The following USH2A variants were observed in gnomAD, a reference collection of about 807,000 sequenced individuals.
USH2A encodes Usher syndrome 2A (autosomal recessive, mild).
A neutral mutation model predicts 538.9 loss-of-function variants in USH2A; 443 were observed. The observed-to-expected ratio is 0.82, with a 90% CI of 0.76 to 0.89. The LOEUF (loss-of-function observed/expected upper bound fraction) is 0.89. Ranked by LOEUF, USH2A falls within the 40% of genes least tolerant of loss-of-function variation. USH2A has a pLI of 0.00. For missense variants in USH2A, 6,633 were observed against 6,324.8 expected (o/e 1.05, Z -1.65); for synonymous variants, 2,413 against 2,273.5 (o/e 1.06, Z -1.75).
At chr1:215,983,593 A>G (rs774827745) in intron 35 of USH2A, among the ~76,000 whole-genome samples, 5 of 152,072 alleles carry the variant, frequency 3.3e-5, no homozygotes, top group Non-Finnish European at 5.9e-5. Context: ...GTCATTTTAA[A>G]TTTATCTTCA....
chr1:215,741,592 A>G, intron 59 of USH2A, 55 bp from the exon 60 acceptor site: 2 of 1,581,830 alleles, frequency 1.3e-6, no homozygotes. Flanking sequence ...GAAAAGAACT[A>G]CATATTCATA....
At chr1:216,224,374 T>C (rs552162278) in intron 14 of USH2A, among the ~76,000 whole-genome samples, 2 of 152,244 alleles carry the variant, frequency 1.3e-5, no homozygotes, top group African/African-American at 4.8e-5. Flanking sequence ...AAACACTATA[T>C]ACTTTTTTGC....
rs1054754019 is a variant in USH2A, at chr1:215,830,876, AAGGAAAACAG to A, written c.9371+7105_9371+7114del. Among the ~76,000 whole-genome samples, 47 of 152,328 alleles carry A rather than the reference AAGGAAAACAG, an allele frequency of 3.1e-4. 2 individuals are homozygous for A. In the South Asian group the frequency reaches 4.1e-3, roughly 13 times the overall value. On this transcript the variant is annotated intron_variant, in intron 47 of 71. Transcript: ENST00000307340. Reference sequence around the variant, plus strand: ...TAGGAACTGACTGTAGTCACTGGCAAAGGAAAACAGAATTTGGAGTCTGAAGCTAACCAGT... The same window carrying A: ...TAGGAACTGACTGTAGTCACTGGCAAAATTTGGAGTCTGAAGCTAACCAGT...
At chr1:215,919,635 A>G (rs957706733) in intron 38 of USH2A, among the ~76,000 whole-genome samples, 4 of 152,026 alleles carry the variant, frequency 2.6e-5, no homozygotes, top group African/African-American at 7.2e-5. Flanking sequence ...TTTATTCTGC[A>G]TTGTATTTTC....
At chr1:216,173,775 G>T (rs2034317579) in intron 21 of USH2A, among the ~76,000 whole-genome samples, 1 of 152,118 alleles carries the variant, frequency 6.6e-6, no homozygotes, top group Non-Finnish European at 1.5e-5. Flanking sequence ...GCAAATCCAA[G>T]CTGACATCCT....
intron 35 of USH2A, among the ~76,000 whole-genome samples, chr1:215,978,250 GT>G (rs1558191888): frequency 6.6e-6 from 1 of 152,134 alleles, no homozygotes; most frequent in African/African-American, 2.4e-5. Context: ...TGTCATTGCT[GT>G]AAAGAGGAGG....
Position 216,086,095 on chromosome 1 carries a change from T to C in USH2A, c.4987+624A>G, listed in dbSNP as rs150124548. Reference sequence around the variant, plus strand: ...GCGTTTGAAGGGTGATTTTTTTTCCTATCTAAGGTTAATTCCATTCATGTT... The same window carrying C: ...GCGTTTGAAGGGTGATTTTTTTTCCCATCTAAGGTTAATTCCATTCATGTT... On this transcript the variant is annotated intron_variant, in intron 24 of 71. Transcript: ENST00000307340. Among the ~76,000 whole-genome samples the C allele has an allele frequency of 1.1e-3, 170 of 152,252 alleles. 1 individual carries two copies. Among genetic ancestry groups the C allele is most frequent in the African/African-American group, 4.0e-3 (167 of 41,578 alleles).
At chr1:216,339,143 CT>C (rs995805177) in intron 4 of USH2A, among the ~76,000 whole-genome samples, 10 of 151,374 alleles carry the variant, frequency 6.6e-5, no homozygotes, top group African/African-American at 2.2e-4. Flanking sequence ...ATAATCCATA[CT>C]TTTTTTTATA....
chr1:215,898,003 A>G (rs551599503), intron 40 of USH2A, among the ~76,000 whole-genome samples: 62 of 152,300 alleles, frequency 4.1e-4, no homozygotes, highest in African/African-American at 1.4e-3. Context: ...ATATCCTTTC[A>G]GAGATGGCAT....
At chr1:215,977,842 C>G (rs190271746) in intron 35 of USH2A, among the ~76,000 whole-genome samples, 6 of 152,284 alleles carry the variant, frequency 3.9e-5, no homozygotes, top group Non-Finnish European at 7.4e-5. Context: ...AAAATATGCT[C>G]AGGCCAAGCA....
chr1:216,100,466 A>G (rs945083542), intron 21 of USH2A, among the ~76,000 whole-genome samples: 4 of 152,166 alleles, frequency 2.6e-5, no homozygotes, highest in Non-Finnish European at 5.9e-5. Context: ...GTTCAGAGTA[A>G]CACTACTTGA....
rs545959934 is a variant in USH2A, at chr1:216,387,825, C to T, written c.652-22740G>A. 7.9e-5 allele frequency among the ~76,000 whole-genome samples: 12 copies of T among 152,250 alleles called. No individual in the cohort carries two copies. In the South Asian group the frequency reaches 1.0e-3, roughly 13 times the overall value. ...AACATTTAACCTGAAAGGACACCTC[C>T]ATCTGCCCTCCCTCTCTCTGCCCTT... is the stretch of plus-strand genomic sequence containing the variant. On this transcript the variant is annotated intron_variant, in intron 3 of 71. Coordinates refer to ENST00000307340, the MANE Select transcript of USH2A (RefSeq NM_206933.4).
intron 9 of USH2A, among the ~76,000 whole-genome samples, chr1:216,304,172 G>A (rs879864468): frequency 9.2e-5 from 14 of 151,804 alleles, no homozygotes; most frequent in African/African-American, 3.1e-4. Context: ...ATTCCACTCC[G>A]CTAATAATAT....
chr1:215,954,721 A>AC (rs1450130837), intron 37 of USH2A, among the ~76,000 whole-genome samples: 6 of 140,188 alleles, frequency 4.3e-5, no homozygotes, highest in African/African-American at 1.7e-4. Flanking sequence ...TAATAATAAT[A>AC]AAAAAAAACA....
chr1:216,125,878 T>C (rs554990166), intron 21 of USH2A, among the ~76,000 whole-genome samples: 1 of 152,344 alleles, frequency 6.6e-6, no homozygotes, highest in East Asian at 1.9e-4. Flanking sequence ...TTCAATTAGC[T>C]GTCTGGCATC....
At chr1:216,008,803 C>G (rs1571884340) in intron 32 of USH2A, among the ~76,000 whole-genome samples, 1 of 152,124 alleles carries the variant, frequency 6.6e-6, no homozygotes, top group Admixed American at 6.5e-5. Flanking sequence ...AATTTCAATT[C>G]CTTTCATTTT....
At chr1:215,732,544 CTTTTTTTTTTTTTTTTT>C (rs141549439) in intron 60 of USH2A, among the ~76,000 whole-genome samples, 1 of 73,558 alleles carries the variant, frequency 1.4e-5, no homozygotes, top group Admixed American at 2.1e-4. Context: ...TTTTTTCTTT[CTTTTTTTTTTTTTTTTT>C]TTTTTTTTTT....
chr1:215,807,032 G>A (rs1015100438), intron 49 of USH2A, among the ~76,000 whole-genome samples: 9 of 151,914 alleles, frequency 5.9e-5, no homozygotes, highest in Admixed American at 3.9e-4. Context: ...CTAATCCCTG[G>A]AACCTGTGAC....
At chr1:215,986,341 TTCA>T (rs1667874810) in intron 35 of USH2A, among the ~76,000 whole-genome samples, 1 of 149,272 alleles carries the variant, frequency 6.7e-6, no homozygotes, top group Non-Finnish European at 1.5e-5. Context: ...GAGACAGGGT[TTCA>T]TCATGTTTCC....
Sources: allele counts gnomAD v4.1 joint callset (sites outside exome capture counted in the v4.1 genomes callset), GRCh38; gene constraint gnomAD v4.1.1; transcripts MANE v1.5; gene names NCBI Gene and HGNC (gene_info 2026-07-23, HGNC 2026-07-21).